RIF1: variants seen among roughly 807,000 people sequenced by gnomAD.
The protein encoded by RIF1 is replication timing regulatory factor 1.
In RIF1, 45 loss-of-function variants were observed where a neutral mutation model predicts 247.1. The observed-to-expected ratio is 0.18, with a 90% CI of 0.14 to 0.23. RIF1 has a LOEUF of 0.23. RIF1 is among the 10% of genes least tolerant of loss of function. The pLI is 1.00. For synonymous variants in RIF1, 1,087 were observed against 978.8 expected (o/e 1.11, Z -2.06); for missense variants, 2,967 against 2,862.5 (o/e 1.04, Z -0.83).
In RIF1 at chr2:151,409,905, C is replaced by G. The variant is rs1685840868; in HGVS notation, c.-139C>G. On this transcript the variant is annotated 5_prime_UTR_variant, in exon 1 of 36. Coordinates refer to ENST00000444746, the MANE Select transcript of RIF1 (RefSeq NM_018151.5). ...CCGCGCACTCCTGGGCCCGCCCAGCCGCCATCTTGGTCTAGGAGGGAGCGC... is the reference window on the plus strand; with the variant it reads ...CCGCGCACTCCTGGGCCCGCCCAGCGGCCATCTTGGTCTAGGAGGGAGCGC... 1 of 699,016 alleles carries G rather than the reference C, an allele frequency of 1.4e-6. No individual in the cohort carries two copies. The highest frequency in any genetic ancestry group is 2.7e-5 in the East Asian group (1 of 37,076). 43.3% of individuals were successfully genotyped at this position (699,016 alleles called of 1,614,324 possible).
In RIF1 at chr2:151,505,432, A is replaced by T. The variant is rs116698898; in HGVS notation, c.*862-778A>T. 521 of 1,485,458 alleles carry T rather than the reference A, an allele frequency of 3.5e-4. No homozygotes were observed. In the African/African-American group the frequency reaches 5.9e-3, roughly 17 times the overall value. 92.0% of individuals were successfully genotyped at this position (1,485,458 alleles called of 1,614,324 possible). ...TGAGAGAGCACCAGGGTAGCAATTG[A>T]GAGATGGCCAGTCACACAAATGGAA... On this transcript the variant is annotated intron_variant and NMD_transcript_variant, in intron 12 of 13. Coordinates refer to the RIF1 transcript ENST00000454583.
At position 151,454,922 on chromosome 2, in the gene RIF1, A is replaced by G; in HGVS notation, c.2372A>G (p.Lys791Arg). 2.5e-6 allele frequency: 4 copies of G among 1,610,096 alleles called. No individual in the cohort carries two copies. Among genetic ancestry groups the G allele is most frequent in the Non-Finnish European group, 2.5e-6 (3 of 1,177,920 alleles). ...CCACAGAGACCTTCAGATTGGTCCAAAAAGAAGAATGAGCCCCTAGGGAAA... is the reference window on the plus strand; with the variant it reads ...CCACAGAGACCTTCAGATTGGTCCAGAAAGAAGAATGAGCCCCTAGGGAAA... ...KSPQRPSDWS[K>R]KKNEPLGKLT... The change falls in exon 22 of 36, where the codon AAA becomes AGA. Residue 791 changes from lysine to arginine, a missense_variant. Lys to Arg is a conservative substitution (Grantham distance 26). This residue lies in a region of RIF1 where 2,028 missense variants were observed against 1,825.6 expected (regional missense o/e 1.11). Coordinates refer to ENST00000444746, the MANE Select transcript of RIF1 (RefSeq NM_018151.5).
chr2:151,420,280 G>C lies in RIF1; in HGVS notation c.594G>C (p.Lys198Asn), dbSNP rs1423372718. The part of the protein sequence containing the change: ...VIPLVVHSAQ[K>N]VHLRGATALE... ...CTTTAGTGGTTCATTCAGCACAAAAGGTACATTTGCGGGGAGCAACTGCTC... is the reference window on the plus strand; with the variant it reads ...CTTTAGTGGTTCATTCAGCACAAAACGTACATTTGCGGGGAGCAACTGCTC... Residue 198 changes from lysine to asparagine, a missense_variant, in exon 7 of 36, where the codon AAG becomes AAC. Around this residue, in one of 7 missense-constraint regions of RIF1, gnomAD observed 269 missense variants for 288.6 expected, o/e 0.93. Transcript: ENST00000444746. The C allele has an allele frequency of 6.2e-7, 1 of 1,614,160 alleles. No homozygotes were observed. Among genetic ancestry groups the C allele is most frequent in the East Asian group, 2.2e-5 (1 of 44,880 alleles).
In RIF1 at chr2:151,465,174, A is replaced by G. The variant is rs960414360; in HGVS notation, c.5654A>G (p.Glu1885Gly). The change falls in exon 30 of 36, where the codon GAA (glutamate) becomes GGA (glycine). Residue 1885 changes from glutamate to glycine, a missense_variant. Physicochemically the swap from Glu to Gly is moderately conservative, Grantham distance 98. Around this residue, in one of 7 missense-constraint regions of RIF1, gnomAD observed 2,028 missense variants for 1,825.6 expected, o/e 1.11. Transcript: ENST00000444746. Reference sequence around the variant, plus strand: ...TTGGAGACAAAAGAAGAAAAACCAGAAGAAACCCCAAAAATGGAACTGAGT... The same window carrying G: ...TTGGAGACAAAAGAAGAAAAACCAGGAGAAACCCCAAAAATGGAACTGAGT... ...ESLETKEEKP[E>G]ETPKMELSLE... 4 of 1,613,558 alleles carry G rather than the reference A, an allele frequency of 2.5e-6. No individual in the cohort carries two copies. The African/African-American group carries it at 5.3e-5, about 22-fold the overall frequency.
chr2:151,430,467 G>T (rs545693805), intron 9 of RIF1, among the ~76,000 whole-genome samples: 78 of 151,966 alleles, frequency 5.1e-4, no homozygotes, highest in African/African-American at 1.9e-3. Context: ...GATGACAGGC[G>T]CCCGCTGCCA....
chr2:151,502,154 G>A (rs939671611), intron 11 of RIF1, among the ~76,000 whole-genome samples: 1 of 152,182 alleles, frequency 6.6e-6, no homozygotes, highest in Non-Finnish European at 1.5e-5. Flanking sequence ...TCACTGATAT[G>A]TGGGAACTAA....
At chr2:151,490,159 CT>C (rs1323661739) in intron 9 of RIF1, 10 of 1,230,588 alleles carry the variant, frequency 8.1e-6, no homozygotes, top group African/African-American at 1.5e-5. Flanking sequence ...TGAGTGATGT[CT>C]TTTTCCCCCA....
At chr2:151,433,887 A>G (rs1469224068) in intron 10 of RIF1, among the ~76,000 whole-genome samples, 1 of 152,016 alleles carries the variant, frequency 6.6e-6, no homozygotes, top group Non-Finnish European at 1.5e-5. Context: ...TGAAATAGAA[A>G]TCAGCCGGGC....
chr2:151,464,818 T>C lies in RIF1; in HGVS notation c.5298T>C (p.Asp1766=). The C allele has an allele frequency of 6.2e-7, 1 of 1,613,918 alleles. No homozygotes were observed. Among genetic ancestry groups the C allele is most frequent in the Non-Finnish European group, 8.5e-7 (1 of 1,179,950 alleles). The change falls in exon 30 of 36, where the codon GAT becomes GAC. Residue 1766 remains aspartate (D), a synonymous_variant. Coordinates refer to ENST00000444746, the MANE Select transcript of RIF1 (RefSeq NM_018151.5). Reference sequence around the variant, plus strand: ...AGATTAGTGAAACAAAAAAGGCAGATGTGCAAGCACCTGTAAGCCCATCAG... The same window carrying C: ...AGATTAGTGAAACAAAAAAGGCAGACGTGCAAGCACCTGTAAGCCCATCAG... ...DVEISETKKA[D]VQAPVSPSET...
At chr2:151,441,184 G>A (rs1246551757) in intron 15 of RIF1, among the ~76,000 whole-genome samples, 3 of 151,982 alleles carry the variant, frequency 2.0e-5, no homozygotes, top group Non-Finnish European at 2.9e-5. Context: ...TCGTGCCACT[G>A]CAATCCAGCC....
At chr2:151,443,503 T>G in intron 17 of RIF1, 26 bp from the exon 18 acceptor site, 1 of 1,528,446 alleles carries the variant, frequency 6.5e-7, no homozygotes, top group East Asian at 2.3e-5. Flanking sequence ...AAAAAGTTGA[T>G]GCATTTTTTA....
chr2:151,491,500 A>G (rs2056616584), intron 9 of RIF1: 1 of 520,910 alleles, frequency 1.9e-6, no homozygotes, highest in Non-Finnish European at 3.4e-6. Flanking sequence ...AATTTTTTCT[A>G]ACTTGAACTT....
intron 14 of RIF1, 152 bp from the exon 15 acceptor site, chr2:151,439,875 A>G: frequency 2.0e-6 from 1 of 495,200 alleles, no homozygotes; most frequent in South Asian, 2.5e-5. Flanking sequence ...CAGGAAGCTG[A>G]GGCAGGAGAA....
chr2:151,442,168 C>T (rs1270866111), intron 16 of RIF1, among the ~76,000 whole-genome samples, 177 bp downstream of exon 16: 1 of 151,390 alleles, frequency 6.6e-6, no homozygotes, highest in Non-Finnish European at 1.5e-5. Context: ...CTCCGCCTCC[C>T]AGGTTCAAGC....
chr2:151,436,819 T>A lies in RIF1; in HGVS notation c.1196-8T>A, dbSNP rs573734650. ...TATGACTTAACTCTTTTTTTTTTTTTCTTAAAGGTGCTTCCTCCCCGTACG... is the reference window on the plus strand; with the variant it reads ...TATGACTTAACTCTTTTTTTTTTTTACTTAAAGGTGCTTCCTCCCCGTACG... On this transcript the variant is annotated splice_polypyrimidine_tract_variant and splice_region_variant and intron_variant, in intron 11 of 35. Coordinates refer to ENST00000444746, the MANE Select transcript of RIF1 (RefSeq NM_018151.5). 6.4e-7 allele frequency: 1 copy of A among 1,558,108 alleles called. No individual in the cohort carries two copies. The highest frequency in any genetic ancestry group is 8.6e-7 in the Non-Finnish European group (1 of 1,156,882).
In RIF1 at chr2:151,465,373, C is replaced by G; in HGVS notation, c.5853C>G (p.Asp1951Glu). The change falls in exon 30 of 36, where the codon GAC becomes GAG. Residue 1951 changes from aspartate (D) to glutamate (E), a missense_variant. Coordinates refer to ENST00000444746, the MANE Select transcript of RIF1 (RefSeq NM_018151.5). ...TAGAAGAAAATAAAAGAAATGATGA[C>G]TCTGAAGCAGACACAGCTAAACTGA... is the stretch of plus-strand genomic sequence containing the variant. ...AAIEENKRND[D>E]SEADTAKLNA... The G allele has an allele frequency of 6.2e-7, 1 of 1,613,678 alleles. No individual in the cohort carries two copies. The highest frequency in any genetic ancestry group is 8.5e-7 in the Non-Finnish European group (1 of 1,179,892).
intron 3 of RIF1, among the ~76,000 whole-genome samples, chr2:151,414,518 C>G (rs1686857290): frequency 6.6e-6 from 1 of 152,090 alleles, no homozygotes; most frequent in Non-Finnish European, 1.5e-5. Flanking sequence ...GGGCCTTGCT[C>G]CCTTTTCCCT....
intron 11 of RIF1, chr2:151,502,935 A>G (rs1442664501): frequency 1.7e-6 from 2 of 1,150,512 alleles, no homozygotes; most frequent in South Asian, 1.4e-5. Context: ...AGGCACAGAG[A>G]GTAAGGAAGG....
intron 4 of RIF1, among the ~76,000 whole-genome samples, chr2:151,415,450 C>T (rs1407674158): frequency 2.7e-5 from 4 of 148,874 alleles, no homozygotes; most frequent in South Asian, 2.2e-4. Flanking sequence ...AAAGATTAGC[C>T]GGGCGTGGTG....
Sources: allele counts gnomAD v4.1 joint callset (sites outside exome capture counted in the v4.1 genomes callset), GRCh38; gene constraint gnomAD v4.1.1; regional missense constraint gnomAD v4.1.1; transcripts MANE v1.5; gene names NCBI Gene and HGNC (gene_info 2026-07-23, HGNC 2026-07-21).